Variants in CTNNA3 observed in about 807,000 individuals in gnomAD.
CTNNA3 encodes the protein catenin alpha-3.
A neutral mutation model predicts 95.7 loss-of-function variants in CTNNA3; 76 were observed. The ratio of observed to expected loss-of-function variants is 0.79; its 90% CI spans 0.66 to 0.96. CTNNA3 has a LOEUF of 0.96. Ranked by LOEUF, CTNNA3 falls within the 40% of genes least tolerant of loss-of-function variation. The probability of loss-of-function intolerance (pLI) is 0.00; values close to 1 mark genes in which losing one functional copy is unlikely to be tolerated. For missense variants in CTNNA3, 1,191 were observed against 1,089.8 expected, an observed-to-expected ratio of 1.09 and a Z score of -1.31; for synonymous variants, 431 against 374.4, an observed-to-expected ratio of 1.15 and a Z score of -1.74.
intron 8 of CTNNA3, among the ~76,000 whole-genome samples, chr10:66,770,356 T>G: frequency 6.6e-6 from 1 of 152,140 alleles, no homozygotes; most frequent in Admixed American, 6.6e-5. Context: ...TTCCTTTCAG[T>G]TGGGTGATAT....
chr10:66,692,434 C>T (rs993019756), intron 9 of CTNNA3, among the ~76,000 whole-genome samples: 3 of 152,118 alleles, frequency 2.0e-5, no homozygotes, highest in African/African-American at 7.2e-5. Flanking sequence ...AAGAAACGAA[C>T]AAAGCCTCCA....
rs145484875 is a variant in CTNNA3 at position 67,157,722 on chromosome 10, T to C, written c.1047+22595A>G. Among the ~76,000 whole-genome samples the C allele has an allele frequency of 2.9e-3, 436 of 152,224 alleles. 2 individuals carry two copies. Among genetic ancestry groups the C allele is most frequent in the African/African-American group, 0.01 (416 of 41,522 alleles). On this transcript the variant is annotated intron_variant, in intron 7 of 17. Coordinates refer to ENST00000433211, the MANE Select transcript of CTNNA3 (RefSeq NM_013266.4). The stretch of plus-strand genomic sequence containing the variant: ...TAAATGTCACTTCATGTTATGTTTG[T>C]GGAGAAACTGTAATAAGAGATCAAT...
intron 13 of CTNNA3, among the ~76,000 whole-genome samples, chr10:66,218,585 A>G (rs976488850): frequency 6.6e-6 from 1 of 152,244 alleles, no homozygotes; most frequent in African/African-American, 2.4e-5. Context: ...AAACACTTCA[A>G]CTGTAACCTT....
chr10:67,035,956 T>C (rs1274726749), intron 7 of CTNNA3, among the ~76,000 whole-genome samples: 2 of 152,190 alleles, frequency 1.3e-5, no homozygotes, highest in African/African-American at 4.8e-5. Flanking sequence ...CAACTTTTCT[T>C]GCTTTTCTTT....
intron 5 of CTNNA3, 104 bp downstream of exon 5, chr10:67,521,738 A>G: frequency 7.1e-7 from 1 of 1,407,314 alleles, no homozygotes; most frequent in Non-Finnish European, 9.7e-7. Flanking sequence ...TGCTCTAACC[A>G]TTAGAAGATA....
chr10:67,447,700 T>C (rs1846808293), intron 5 of CTNNA3, among the ~76,000 whole-genome samples: 1 of 152,160 alleles, frequency 6.6e-6, no homozygotes, highest in East Asian at 1.9e-4. Context: ...ACATTTCTAC[T>C]TTACCTGTCT....
intron 13 of CTNNA3, among the ~76,000 whole-genome samples, chr10:66,266,097 A>AAGAG (rs767835024): frequency 3.2e-4 from 47 of 148,728 alleles, no homozygotes; most frequent in Admixed American, 5.4e-4. Context: ...GGGGGAGAGA[A>AAGAG]AGAGAGGGAG....
chr10:66,347,837 G>T (rs560980185), intron 12 of CTNNA3, among the ~76,000 whole-genome samples: 3 of 151,930 alleles, frequency 2.0e-5, no homozygotes, highest in Non-Finnish European at 2.9e-5. Flanking sequence ...GATAGAATGA[G>T]ACTACCCATC....
intron 3 of CTNNA3, among the ~76,000 whole-genome samples, chr10:67,553,762 T>A (rs1841118693): frequency 6.7e-6 from 1 of 148,790 alleles, no homozygotes; most frequent in African/African-American, 2.5e-5. Flanking sequence ...TTTTCTTTTC[T>A]TTTTTTTTTA....
At chr10:65,949,071 A>G (rs2077569519) in intron 17 of CTNNA3, among the ~76,000 whole-genome samples, 1 of 152,120 alleles carries the variant, frequency 6.6e-6, no homozygotes, top group African/African-American at 2.4e-5. Flanking sequence ...AACTCTATTT[A>G]TGAAATAAAA....
intron 7 of CTNNA3, among the ~76,000 whole-genome samples, chr10:66,861,193 A>T (rs1843908208): frequency 6.6e-6 from 1 of 152,222 alleles, no homozygotes; most frequent in Admixed American, 6.5e-5. Context: ...CTTGCATTAA[A>T]AACAACAATA....
At position 65,916,790 on chromosome 10, in the gene CTNNA3, T is replaced by C. The variant is rs1362491319; in HGVS notation, c.*3540A>G. On this transcript the variant is annotated 3_prime_UTR_variant, in exon 18 of 18. Coordinates refer to ENST00000433211, the MANE Select transcript of CTNNA3 (RefSeq NM_013266.4). The stretch of plus-strand genomic sequence containing the variant: ...CTGATTGCACTATTTTGGTAGGAAA[T>C]TGTTAGCAATTAACAGAGGATACCT... The C allele has an allele frequency of 6.6e-6, 1 of 152,082 alleles. No homozygotes were observed. The highest frequency in any genetic ancestry group is 2.4e-5 in the African/African-American group (1 of 41,410). The allele number at this position is 152,082 out of a possible 1,614,324, so 9.4% of individuals were successfully genotyped here.
intron 9 of CTNNA3, among the ~76,000 whole-genome samples, chr10:66,729,082 G>T (rs1848870038): frequency 6.6e-6 from 1 of 152,148 alleles, no homozygotes; most frequent in African/African-American, 2.4e-5. Context: ...TTATTTCTGA[G>T]TTATCTATTC....
intron 12 of CTNNA3, among the ~76,000 whole-genome samples, chr10:66,358,974 G>T (rs989265632): frequency 6.6e-6 from 1 of 152,012 alleles, no homozygotes; most frequent in East Asian, 1.9e-4. Flanking sequence ...TTTTATAAAA[G>T]AATCCCACTA....
chr10:67,113,004 C>A (rs1323905139), intron 7 of CTNNA3, among the ~76,000 whole-genome samples: 2 of 152,094 alleles, frequency 1.3e-5, no homozygotes, highest in Non-Finnish European at 2.9e-5. Flanking sequence ...CTTCTCTATA[C>A]CTTTGCTCAG....
intron 7 of CTNNA3, among the ~76,000 whole-genome samples, chr10:66,886,720 T>A (rs979298251): frequency 4.6e-5 from 7 of 152,138 alleles, no homozygotes; most frequent in African/African-American, 1.4e-4. Context: ...TCCCATTCCA[T>A]ACCTGCATCC....
rs146451957 is a variant in CTNNA3 at position 66,731,474 on chromosome 10, G to A, written c.1281+34790C>T. 2.4e-4 allele frequency among the ~76,000 whole-genome samples: 36 copies of A among 151,616 alleles called. No homozygotes were observed. In the East Asian group the frequency reaches 5.8e-3, roughly 24 times the overall value. ...GTCTTCCCTACTTCCTTCTTTCCTC[G>A]GAAATTTAAGCATAACTCTGGCACG... On this transcript the variant is annotated intron_variant, in intron 9 of 17. Coordinates refer to ENST00000433211, the MANE Select transcript of CTNNA3 (RefSeq NM_013266.4).
chr10:66,639,638 T>C (rs1156423934), intron 9 of CTNNA3, among the ~76,000 whole-genome samples: 1 of 152,132 alleles, frequency 6.6e-6, no homozygotes, highest in East Asian at 1.9e-4. Context: ...CTTCTAACTC[T>C]CCACTCTTTC....
rs2091704888 is a variant in CTNNA3, at chr10:66,292,723, G to T, written c.1733-12102C>A. Among the ~76,000 whole-genome samples, 3 of 152,074 alleles carry T rather than the reference G, an allele frequency of 2.0e-5. 1 individual carries two copies. The South Asian group carries it at 6.2e-4, about 32-fold the overall frequency. ...TGCTCTGAAAACCTTTTATTTTGAGGCATGAAAACCTCTCACATATCATTT... is the reference window on the plus strand; with the variant it reads ...TGCTCTGAAAACCTTTTATTTTGAGTCATGAAAACCTCTCACATATCATTT... On this transcript the variant is annotated intron_variant, in intron 12 of 17. Transcript: ENST00000433211.
Sources: allele counts gnomAD v4.1 joint callset (sites outside exome capture counted in the v4.1 genomes callset), GRCh38; gene constraint gnomAD v4.1.1; transcripts MANE v1.5; gene names NCBI Gene and HGNC (gene_info 2026-07-23, HGNC 2026-07-21).